The following KDM6A variants were observed in gnomAD, a reference collection of about 807,000 sequenced individuals.
KDM6A encodes lysine-specific demethylase 6A.
A neutral mutation model predicts 117.6 loss-of-function variants in KDM6A; 11 were observed. The observed-to-expected ratio is 0.09, with a 90% CI of 0.06 to 0.15. KDM6A has a LOEUF of 0.15. Among genes scored for constraint, KDM6A ranks in the 10% least tolerant of loss-of-function variants. The pLI is 1.00. For missense variants in KDM6A, 799 were observed against 1,077.3 expected (o/e 0.74, Z 3.62); for synonymous variants, 384 against 396.1 (o/e 0.97, Z 0.36).
At chrX:44,965,792 G>A (rs995977975) in intron 3 of KDM6A, among the ~76,000 whole-genome samples, 1 of 112,172 alleles carries the variant, frequency 8.9e-6, no homozygotes, top group Non-Finnish European at 1.9e-5. Flanking sequence ...GCACATGGCT[G>A]TTGGAAAAAT....
intron 5 of KDM6A, among the ~76,000 whole-genome samples, chrX:45,020,107 A>G (rs764051425): frequency 1.9e-4 from 21 of 111,627 alleles, no homozygotes; most frequent in Non-Finnish European, 4.0e-4. Flanking sequence ...AAATATGAAG[A>G]CCGTCTCTTA....
At chrX:45,013,401 C>T (rs2041846070) in intron 5 of KDM6A, among the ~76,000 whole-genome samples, 1 of 111,748 alleles carries the variant, frequency 8.9e-6, no homozygotes, top group African/African-American at 3.3e-5. Flanking sequence ...ATACCTATGG[C>T]AATTTGTAAG....
At chrX:44,918,062 G>C (rs1292465263) in intron 2 of KDM6A, among the ~76,000 whole-genome samples, 1 of 111,431 alleles carries the variant, frequency 9.0e-6, no homozygotes, top group Non-Finnish European at 1.9e-5. Flanking sequence ...CCAAGGGAAA[G>C]GTAATGGTAA....
chrX:44,944,118 G>A (rs2037494465), intron 2 of KDM6A, among the ~76,000 whole-genome samples: 1 of 111,416 alleles, frequency 9.0e-6, no homozygotes, highest in Non-Finnish European at 1.9e-5. Context: ...TTGAGAGGCA[G>A]AGACTGGTGG....
intron 8 of KDM6A, among the ~76,000 whole-genome samples, chrX:45,042,465 T>C (rs1000644819): frequency 2.7e-5 from 3 of 111,294 alleles, no homozygotes; most frequent in South Asian, 7.5e-4. Flanking sequence ...CATTTTCAAG[T>C]GAAAAATTAA....
rs1387736190 is a variant in KDM6A at position 45,061,534 on chromosome X, C to T, written c.1581+115C>T. The T allele has an allele frequency of 6.6e-5, 25 of 377,372 alleles. 1 individual carries two copies. In the Admixed American group the frequency reaches 1.2e-3, roughly 18 times the overall value. 31.1% of individuals were successfully genotyped at this position (377,372 alleles called of 1,213,427 possible). ...TGAGATAGAGTCTTGCTCTGTCACC[C>T]AGGCTGGAGTATAGTGGCACGCTCT... On this transcript the variant is annotated intron_variant, in intron 15 of 29. Transcript: ENST00000611820.
At chrX:45,001,524 A>T (rs1166948723) in intron 4 of KDM6A, among the ~76,000 whole-genome samples, 2 of 111,110 alleles carry the variant, frequency 1.8e-5, no homozygotes, top group Non-Finnish European at 3.8e-5. Context: ...CAGTCTGAGG[A>T]GAGTCAGGAG....
At chrX:45,025,989 A>G (rs2042350542) in intron 6 of KDM6A, among the ~76,000 whole-genome samples, 1 of 112,099 alleles carries the variant, frequency 8.9e-6, no homozygotes, top group South Asian at 3.7e-4. Flanking sequence ...TTGAACTCAA[A>G]TGAGACTTGT....
intron 6 of KDM6A, among the ~76,000 whole-genome samples, chrX:45,034,490 G>C (rs868267939): frequency 1.8e-5 from 2 of 111,842 alleles, no homozygotes; most frequent in Non-Finnish European, 3.8e-5. Context: ...AATACTCATA[G>C]TGATTTTTTT....
intron 17 of KDM6A, among the ~76,000 whole-genome samples, chrX:45,068,856 T>TTC (rs1212102222): frequency 9.3e-6 from 1 of 107,955 alleles, no homozygotes; most frequent in South Asian, 4.2e-4. Context: ...CCCTTTCCCT[T>TTC]TCTCTCTCTC....
chrX:44,895,995 T>G (rs997870015), intron 2 of KDM6A, among the ~76,000 whole-genome samples: 2 of 111,067 alleles, frequency 1.8e-5, no homozygotes, highest in African/African-American at 6.5e-5. Flanking sequence ...TCTACTGGTA[T>G]TGGTGTTTTA....
chrX:45,035,136 G>C, intron 7 of KDM6A, 151 bp downstream of exon 7: 1 of 497,241 alleles, frequency 2.0e-6, no homozygotes, highest in Non-Finnish European at 3.5e-6. Flanking sequence ...TACATAAATG[G>C]AACCTGCAAG....
At position 44,873,280 on chromosome X, in the gene KDM6A, T is replaced by TC. The variant is rs1240165490; in HGVS notation, c.-268dup. On this transcript the variant is annotated 5_prime_UTR_variant, in exon 1 of 30. Coordinates refer to ENST00000611820, the MANE Select transcript of KDM6A (RefSeq NM_001291415.2). ...CCGCGCGCTCCGGCCGTTCCCGCCG[T>TC]CCCCGCCTGTGGCTGCCCCCTGCCC... The TC allele has an allele frequency of 3.0e-6, 1 of 333,267 alleles. No individual in the cohort carries two copies. Among genetic ancestry groups the TC allele is most frequent in the Non-Finnish European group, 5.1e-6 (1 of 195,236 alleles). 27.5% of individuals were successfully genotyped at this position (333,267 alleles called of 1,213,427 possible). A position where few individuals can be genotyped will look rare whatever the true frequency, so the allele number is the denominator to read the frequency against.
chrX:44,963,491 CTG>C (rs1477404626), intron 3 of KDM6A, among the ~76,000 whole-genome samples: 1,516 of 32,036 alleles, frequency 0.047, 34 homozygotes, highest in African/African-American at 0.12. Flanking sequence ...GTGTGTCTGT[CTG>C]TCTGTCTCTG....
chrX:44,976,015 T>G (rs2039603060), intron 4 of KDM6A, among the ~76,000 whole-genome samples: 1 of 112,322 alleles, frequency 8.9e-6, no homozygotes, highest in Admixed American at 9.4e-5. Flanking sequence ...CCCCCTTTCT[T>G]TGCTGATAGC....
At chrX:44,905,324 T>A (rs1423258134) in intron 2 of KDM6A, among the ~76,000 whole-genome samples, 1 of 112,093 alleles carries the variant, frequency 8.9e-6, no homozygotes, top group East Asian at 2.8e-4. Flanking sequence ...ACCTTTTCTA[T>A]GTTTAGATAT....
At chrX:44,911,763 G>A (rs751384117) in intron 2 of KDM6A, among the ~76,000 whole-genome samples, 102 of 112,127 alleles carry the variant, frequency 9.1e-4, no homozygotes, top group African/African-American at 3.0e-3. Context: ...ACGAGACTCC[G>A]TCTGCAATAC....
intron 2 of KDM6A, among the ~76,000 whole-genome samples, chrX:44,880,076 G>A (rs1233275390): frequency 9.3e-6 from 1 of 107,807 alleles, no homozygotes; most frequent in African/African-American, 3.4e-5. Context: ...GGGAGGCTGA[G>A]ACAGGAGAAT....
At chrX:44,986,610 G>C (rs1344964641) in intron 4 of KDM6A, among the ~76,000 whole-genome samples, 10 of 111,508 alleles carry the variant, frequency 9.0e-5, no homozygotes, top group Non-Finnish European at 1.9e-4. Flanking sequence ...GGTATGTTGT[G>C]TCTTTGTTCT....
Sources: allele counts gnomAD v4.1 joint callset (sites outside exome capture counted in the v4.1 genomes callset), GRCh38; gene constraint gnomAD v4.1.1; transcripts MANE v1.5; gene names NCBI Gene and HGNC (gene_info 2026-07-23, HGNC 2026-07-21).